Variants in MOCOS observed in about 807,000 individuals in gnomAD.
MOCOS encodes molybdenum cofactor sulfurase, also known as human molybdenum cofactor sulfurase.
MOCOS carries 86 observed loss-of-function variants against 83.6 expected under a neutral mutation model. The observed-to-expected ratio is 1.03, with a 90% confidence interval of 0.86 to 1.23. The LOEUF (loss-of-function observed/expected upper bound fraction) is 1.23, where lower values mean the gene tolerates loss of function less well. MOCOS is among the 50% of genes most tolerant of loss of function. MOCOS has a pLI of 0.00. For missense variants in MOCOS, 1,120 were observed against 1,126.9 expected (o/e 0.99, Z 0.09); for synonymous variants, 445 against 434.7 (o/e 1.02, Z -0.29).
At chr18:36,196,730 G>C (rs929408010) in intron 2 of MOCOS, among the ~76,000 whole-genome samples, 2 of 151,928 alleles carry the variant, frequency 1.3e-5, no homozygotes, top group Non-Finnish European at 2.9e-5. Context: ...TGGCAGAGTT[G>C]AGATTGCAGG....
rs2091567419 is a variant in MOCOS, at chr18:36,238,312, C to T, written c.1961-10610C>T. Among the ~76,000 whole-genome samples the T allele has an allele frequency of 2.0e-5, 3 of 150,748 alleles. No individual in the cohort carries two copies. In the South Asian group the frequency reaches 6.4e-4, roughly 32 times the overall value. On this transcript the variant is annotated intron_variant, in intron 9 of 14. Coordinates refer to ENST00000261326, the MANE Select transcript of MOCOS (RefSeq NM_017947.4). The stretch of plus-strand genomic sequence containing the variant: ...CTCTACACACTGCTTTGAATGTGTC[C>T]CAGAGATGCTGGTATGTTGTGTCTT...
intron 9 of MOCOS, among the ~76,000 whole-genome samples, chr18:36,225,338 G>C (rs2091511320): frequency 2.0e-5 from 3 of 152,224 alleles, no homozygotes; most frequent in African/African-American, 7.2e-5. Context: ...TTTTTGTAGA[G>C]AGAGGGTTTC....
At chr18:36,223,297 C>A (rs1157082120) in intron 9 of MOCOS, among the ~76,000 whole-genome samples, 1 of 152,142 alleles carries the variant, frequency 6.6e-6, no homozygotes, top group African/African-American at 2.4e-5. Flanking sequence ...CAATTTTATT[C>A]TTTTACATGT....
chr18:36,263,483 A>G (rs538505673), intron 13 of MOCOS, among the ~76,000 whole-genome samples: 1 of 152,358 alleles, frequency 6.6e-6, no homozygotes, highest in East Asian at 1.9e-4. Context: ...GACTGGAAGG[A>G]TGTCCTTGCA....
intron 9 of MOCOS, among the ~76,000 whole-genome samples, chr18:36,222,949 C>T (rs2144924678): frequency 6.6e-6 from 1 of 152,292 alleles, no homozygotes; most frequent in East Asian, 1.9e-4. Context: ...TGTTTGTTTA[C>T]TGCTGAGTTG....
Position 36,268,908 on chromosome 18 carries a change from G to A in MOCOS, c.*223G>A. On this transcript the variant is annotated 3_prime_UTR_variant, in exon 15 of 15. Transcript: ENST00000261326. ...TTCTGAGGCCTCAGGAACGAATGCTGCACCCACATCCAGTGAGGCTCCTGT... is the reference window on the plus strand; with the variant it reads ...TTCTGAGGCCTCAGGAACGAATGCTACACCCACATCCAGTGAGGCTCCTGT... 1.8e-6 allele frequency: 1 copy of A among 570,682 alleles called. No individual in the cohort carries two copies. Among genetic ancestry groups the A allele is most frequent in the Non-Finnish European group, 3.1e-6 (1 of 321,714 alleles). 35.4% of individuals were successfully genotyped at this position (570,682 alleles called of 1,614,324 possible). A position where few individuals can be genotyped will look rare whatever the true frequency, so the allele number is the denominator to read the frequency against.
In MOCOS at chr18:36,215,608, T is replaced by A. The variant is rs2091472967; in HGVS notation, c.1428T>A (p.Asp476Glu). ...RISFGYMSTLDDVQAFLRFII... is the reference protein window; with the variant it reads ...RISFGYMSTLEDVQAFLRFII... The stretch of plus-strand genomic sequence containing the variant: ...CATTTGGATACATGTCGACGCTGGA[T>A]GATGTCCAGGCCTTTCTTAGGTTCA... The change falls in exon 8 of 15, where the codon GAT (aspartate) becomes GAA (glutamate). Residue 476 changes from aspartate (D) to glutamate (E), a missense_variant. Physicochemically the swap from Asp to Glu is conservative, Grantham distance 45 (BLOSUM62 2). Coordinates refer to ENST00000261326, the MANE Select transcript of MOCOS (RefSeq NM_017947.4). 1 of 1,614,186 alleles carries A rather than the reference T, an allele frequency of 6.2e-7. No homozygotes were observed. The highest frequency in any genetic ancestry group is 1.3e-5 in the African/African-American group (1 of 75,034).
chr18:36,213,391 A>G lies in MOCOS; in HGVS notation c.1244A>G (p.Asn415Ser), dbSNP rs1469185998. The G allele has an allele frequency of 6.2e-7, 1 of 1,614,104 alleles. No homozygotes were observed. The highest frequency in any genetic ancestry group is 1.1e-5 in the South Asian group (1 of 91,068). Reference sequence around the variant, plus strand: ...GTGGACAAAATGGCCAGTCTTTACAACATCCACCTGCGAACTGGCTGCTTC... The same window carrying G: ...GTGGACAAAATGGCCAGTCTTTACAGCATCCACCTGCGAACTGGCTGCTTC... Reference protein sequence around the residue: ...SQVDKMASLYNIHLRTGCFCN... With the variant: ...SQVDKMASLYSIHLRTGCFCN... The change falls in exon 7 of 15, where the codon AAC becomes AGC. Residue 415 changes from asparagine (N) to serine (S), a missense_variant. By Grantham distance (46) the Asn-to-Ser change is conservative. Coordinates refer to ENST00000261326, the MANE Select transcript of MOCOS (RefSeq NM_017947.4).
chr18:36,193,240 A>G (rs2091373210), intron 1 of MOCOS, among the ~76,000 whole-genome samples: 1 of 140,910 alleles, frequency 7.1e-6, no homozygotes, highest in African/African-American at 2.6e-5. Context: ...GAACCCGGGA[A>G]GCGGAGCTTG....
chr18:36,199,679 C>G lies in MOCOS; in HGVS notation c.300-4C>G. On this transcript the variant is annotated splice_region_variant and splice_polypyrimidine_tract_variant and intron_variant, in intron 3 of 14. Coordinates refer to ENST00000261326, the MANE Select transcript of MOCOS (RefSeq NM_017947.4). ...GGGTTGCGGGGATGCTGTGCTTCTTCCAGAATCCTGGCGCACTTCCACACC... is the reference window on the plus strand; with the variant it reads ...GGGTTGCGGGGATGCTGTGCTTCTTGCAGAATCCTGGCGCACTTCCACACC... 6.2e-7 allele frequency: 1 copy of G among 1,613,386 alleles called. No individual in the cohort carries two copies. Among genetic ancestry groups the G allele is most frequent in the Non-Finnish European group, 8.5e-7 (1 of 1,180,038 alleles).
At chr18:36,203,725 C>G (rs1006959271) in intron 5 of MOCOS, among the ~76,000 whole-genome samples, 1 of 152,216 alleles carries the variant, frequency 6.6e-6, no homozygotes, top group African/African-American at 2.4e-5. Flanking sequence ...TCTTTCCTGG[C>G]CATTGCTCTT....
intron 11 of MOCOS, among the ~76,000 whole-genome samples, chr18:36,255,884 GTTTTTTT>G (rs74181121): frequency 7.5e-6 from 1 of 134,052 alleles, no homozygotes; most frequent in East Asian, 2.2e-4. Flanking sequence ...CCTTTTAGTA[GTTTTTTT>G]TTTTTTTTTT....
At chr18:36,218,271 C>A (rs558198625) in intron 8 of MOCOS, among the ~76,000 whole-genome samples, 2 of 152,096 alleles carry the variant, frequency 1.3e-5, no homozygotes, top group South Asian at 4.1e-4. Context: ...CCTATACCCA[C>A]CTAACTGGTG....
intron 1 of MOCOS, 46 bp from the exon 2 acceptor site, chr18:36,195,211 C>G: frequency 6.4e-7 from 1 of 1,556,380 alleles, no homozygotes; most frequent in East Asian, 2.2e-5. Flanking sequence ...CTTACACAAA[C>G]CAGATTCAGG....
At chr18:36,203,287 G>A (rs2091421678) in intron 5 of MOCOS, 98 bp downstream of exon 5, 5 of 1,101,644 alleles carry the variant, frequency 4.5e-6, no homozygotes, top group Non-Finnish European at 6.9e-6. Context: ...CAGAGTCTGT[G>A]GAAGTGACTG....
chr18:36,197,015 G>T (rs1335885741), intron 2 of MOCOS, among the ~76,000 whole-genome samples: 1 of 152,156 alleles, frequency 6.6e-6, no homozygotes, highest in Non-Finnish European at 1.5e-5. Flanking sequence ...TTAAGTTTGA[G>T]GGAGGTCATG....
At chr18:36,218,853 AT>A (rs1417916913) in intron 8 of MOCOS, among the ~76,000 whole-genome samples, 1 of 145,978 alleles carries the variant, frequency 6.9e-6, no homozygotes, top group African/African-American at 2.5e-5. Context: ...TTATTTATTT[AT>A]TTATTTATTT....
intron 9 of MOCOS, among the ~76,000 whole-genome samples, chr18:36,240,507 T>G (rs1298751790): frequency 1.3e-5 from 2 of 150,158 alleles, no homozygotes; most frequent in Non-Finnish European, 3.0e-5. Flanking sequence ...GATCTCCAGC[T>G]GCGTGCTGGG....
rs1340841689 is a variant in MOCOS at position 36,234,196 on chromosome 18, GT to G, written c.1960+13981del. 6.6e-5 allele frequency among the ~76,000 whole-genome samples: 10 copies of G among 152,244 alleles called. No individual in the cohort carries two copies. The East Asian group carries it at 1.9e-3, about 29-fold the overall frequency. On this transcript the variant is annotated intron_variant, in intron 9 of 14. Coordinates refer to ENST00000261326, the MANE Select transcript of MOCOS (RefSeq NM_017947.4). ...GATTTAAGTCTTTGATCCATCTTCAGTTGATTTTTGTATAAGGTGAGAGATA... is the reference window on the plus strand; with the variant it reads ...GATTTAAGTCTTTGATCCATCTTCAGTGATTTTTGTATAAGGTGAGAGATA...
Sources: allele counts gnomAD v4.1 joint callset (sites outside exome capture counted in the v4.1 genomes callset), GRCh38; gene constraint gnomAD v4.1.1; transcripts MANE v1.5; gene names NCBI Gene and HGNC (gene_info 2026-07-23, HGNC 2026-07-21).